CEP72: variants seen among roughly 807,000 people sequenced by gnomAD.
CEP72 encodes centrosomal protein of 72 kDa.
In CEP72, 78 loss-of-function variants were observed where a neutral mutation model predicts 65.7. The observed-to-expected ratio is 1.19, with a 90% CI of 0.99 to 1.43. CEP72 has a LOEUF of 1.43. Among genes scored for constraint, CEP72 ranks in the 40% most tolerant of loss-of-function variants. The probability of loss-of-function intolerance (pLI) is 0.00; values close to 1 mark genes in which losing one functional copy is unlikely to be tolerated. For synonymous variants in CEP72, 358 were observed against 351.7 expected (o/e 1.02, Z -0.20); for missense variants, 914 against 832.9 (o/e 1.10, Z -1.20).
At chr5:652,574 T>C (rs1394248020) in intron 11 of CEP72, among the ~76,000 whole-genome samples, 1 of 152,196 alleles carries the variant, frequency 6.6e-6, no homozygotes. Flanking sequence ...ATGTCAAAAT[T>C]ATTATATTTG....
chr5:633,332 G>C (rs1334342771), intron 4 of CEP72, among the ~76,000 whole-genome samples: 1 of 127,270 alleles, frequency 7.9e-6, no homozygotes, highest in Non-Finnish European at 1.8e-5. Context: ...CAGTCCTGGT[G>C]GGGTTCTGTC....
chr5:653,956 CTG>C (rs570079952), downstream of CEP72, among the ~76,000 whole-genome samples: 38 of 150,572 alleles, frequency 2.5e-4, no homozygotes, highest in African/African-American at 6.6e-4. Context: ...TGTGCTAGCT[CTG>C]TGTGTGTGTG....
At chr5:664,317 C>A (rs1739806903) in intron 2 of CEP72, 1 of 152,464 alleles carries the variant, frequency 6.6e-6, no homozygotes, top group African/African-American at 2.4e-5. Flanking sequence ...CTGAATCTTC[C>A]CAGACCCGCT....
chr5:649,384 GACT>G (rs1738750882), intron 11 of CEP72, among the ~76,000 whole-genome samples: 1 of 130,700 alleles, frequency 7.7e-6, no homozygotes, highest in Non-Finnish European at 1.6e-5. Flanking sequence ...TGTGAGGTGT[GACT>G]GTGAGGTGTG....
At chr5:628,864 AGC>A (rs1736996003) in intron 4 of CEP72, among the ~76,000 whole-genome samples, 1 of 108,736 alleles carries the variant, frequency 9.2e-6, no homozygotes, top group African/African-American at 4.1e-5. Flanking sequence ...TTCTTTGTGC[AGC>A]GTTCTGGAGA....
At position 633,406 on chromosome 5, in the gene CEP72, G is replaced by A. The variant is rs1468534255; in HGVS notation, c.513-363G>A. 4.4e-4 allele frequency among the ~76,000 whole-genome samples: 62 copies of A among 142,006 alleles called. 1 individual carries two copies. The highest frequency in any genetic ancestry group is 7.8e-4 in the Non-Finnish European group (51 of 65,228). 93.2% of individuals were successfully genotyped at this position (142,006 alleles called of 152,430 possible). ...CCAGTGCTGGATTTGACCCAGTCCT[G>A]GTGGGGTGCTGTCCAGTGCCGGGAT... is the stretch of plus-strand genomic sequence containing the variant. On this transcript the variant is annotated intron_variant, in intron 4 of 11. Transcript: ENST00000264935.
Position 645,576 on chromosome 5 carries a change from C to T in CEP72, c.1666+1151C>T, listed in dbSNP as rs1387291367. On this transcript the variant is annotated intron_variant, in intron 10 of 11. Transcript: ENST00000264935. This position sits in a 1 kb window ranked among gnomAD's most constrained non-coding sequence, Gnocchi z 4.0. The stretch of plus-strand genomic sequence containing the variant: ...TTCCCCCATGCCCCAAAGCTGTGCA[C>T]GCCAGGGTGTTGCTGTGTCTGACCT... Among the ~76,000 whole-genome samples the T allele has an allele frequency of 3.3e-5, 5 of 152,060 alleles. No individual in the cohort carries two copies. The East Asian group carries it at 7.7e-4, about 23-fold the overall frequency.
At position 619,002 on chromosome 5, in the gene CEP72, C is replaced by T. The variant is rs1326140130; in HGVS notation, c.95C>T (p.Ser32Leu). 3 of 1,608,586 alleles carry T rather than the reference C, an allele frequency of 1.9e-6. No homozygotes were observed. Among genetic ancestry groups the T allele is most frequent in the Non-Finnish European group, 1.7e-6 (2 of 1,175,234 alleles). The change falls in exon 2 of 12, where the codon TCA becomes TTA. Residue 32 changes from serine (S) to leucine (L), a missense_variant. Ser to Leu is a moderately radical substitution (Grantham distance 145, BLOSUM62 -2). Transcript: ENST00000264935. The stretch of plus-strand genomic sequence containing the variant: ...TTTCTATTCTTAGCTGAGCTTCAGT[C>T]ATTGTCTATTCCTGGAACTTACCAA... ...GPHRDLAELQSLSIPGTYQEK... is the reference protein window; with the variant it reads ...GPHRDLAELQLLSIPGTYQEK...
At chr5:668,266 CGGAGAGGGGTCCGCG>C (rs1740024421), downstream of CEP72, among the ~76,000 whole-genome samples, 3 of 43,046 alleles carry the variant, frequency 7.0e-5, no homozygotes, top group African/African-American at 1.5e-4. Context: ...GACAAGCACA[CGGAGAGGGGTCCGCG>C]TGGGCGCCGT....
chr5:658,645 ATTTTTTTTTTTTTTTTTTTTTTT>A (rs70955278), downstream of CEP72, among the ~76,000 whole-genome samples: 26 of 55,988 alleles, frequency 4.6e-4, 1 homozygote, highest in South Asian at 2.3e-3. Flanking sequence ...AGCAAAGCTG[ATTTTTTTTTTTTTTTTTTTTTTT>A]TTTTTTTTTT....
chr5:674,142 C>A, the CEP72 span, among the ~76,000 whole-genome samples: 1 of 152,228 alleles, frequency 6.6e-6, no homozygotes, highest in African/African-American at 2.4e-5. Context: ...CTAGGAGCTT[C>A]ACCCACAAGC....
chr5:671,297 G>A (rs1284634392), downstream of CEP72, among the ~76,000 whole-genome samples: 1 of 152,194 alleles, frequency 6.6e-6, no homozygotes, highest in Non-Finnish European at 1.5e-5. Context: ...ACATCACTAG[G>A]AAGAGGTGGC....
the CEP72 span, among the ~76,000 whole-genome samples, chr5:672,509 C>T: frequency 1.2e-4 from 19 of 152,376 alleles, no homozygotes; most frequent in South Asian, 2.1e-3. Context: ...TCTGCCTCAT[C>T]GGCTGGGTGC....
intron 4 of CEP72, among the ~76,000 whole-genome samples, chr5:628,552 A>ACG (rs1561036933): frequency 4.6e-3 from 128 of 27,904 alleles, no homozygotes; most frequent in African/African-American, 0.023. Flanking sequence ...CTCAGGTTGC[A>ACG]GTCCCCGGGG....
At chr5:665,081 C>A in intron 2 of CEP72, 1 of 1,601,348 alleles carries the variant, frequency 6.2e-7, no homozygotes, top group Non-Finnish European at 8.5e-7. Context: ...ACCGGCAGTG[C>A]CGCGAGGCAT....
intron 2 of CEP72, chr5:665,154 G>A (rs758647631): frequency 6.2e-7 from 1 of 1,613,390 alleles, no homozygotes; most frequent in South Asian, 1.1e-5. Context: ...CTTGTAGCCG[G>A]ACACATAGCC....
the CEP72 span, among the ~76,000 whole-genome samples, chr5:674,015 T>C: frequency 3.3e-5 from 5 of 152,200 alleles, no homozygotes; most frequent in African/African-American, 1.2e-4. Flanking sequence ...GCAGAAGGAA[T>C]CACAGCCGGC....
At position 624,459 on chromosome 5, in the gene CEP72, CT is replaced by C; in HGVS notation, c.404-8del. 1.9e-6 allele frequency: 3 copies of C among 1,610,744 alleles called. No individual in the cohort carries two copies. Among genetic ancestry groups the C allele is most frequent in the Middle Eastern group, 3.3e-4 (2 of 6,060 alleles). The stretch of plus-strand genomic sequence containing the variant: ...TGCCACCTGCACAGTCTTGTGTGGC[CT>C]TTTCTTCTAGACGATCGCCCCGTGA... On this transcript the variant is annotated splice_polypyrimidine_tract_variant and intron_variant, in intron 3 of 11. Coordinates refer to ENST00000264935, the MANE Select transcript of CEP72 (RefSeq NM_018140.4). This position sits in a 1 kb window ranked among gnomAD's most constrained non-coding sequence, Gnocchi z 4.7.
chr5:644,095 C>G (rs1738251517), intron 9 of CEP72: 1 of 563,056 alleles, frequency 1.8e-6, no homozygotes, highest in Non-Finnish European at 3.1e-6. Flanking sequence ...CTCACTTCCC[C>G]CCTCCCCTGA....
Sources: allele counts gnomAD v4.1 joint callset (sites outside exome capture counted in the v4.1 genomes callset), GRCh38; gene constraint gnomAD v4.1.1; non-coding constraint Gnocchi (gnomAD v3.1); transcripts MANE v1.5; gene names NCBI Gene and HGNC (gene_info 2026-07-23, HGNC 2026-07-21).